Variants in SNX24 observed in about 807,000 individuals in gnomAD.
SNX24 encodes the protein sorting nexin-24.
SNX24 carries 22 observed loss-of-function variants against 28.7 expected under a neutral mutation model. The ratio of observed to expected loss-of-function variants is 0.77; its 90% CI spans 0.55 to 1.10. The LOEUF (loss-of-function observed/expected upper bound fraction) is 1.10. Ranked by LOEUF, SNX24 falls within the 50% of genes least tolerant of loss-of-function variation. The pLI is 0.00. For synonymous variants in SNX24, 69 were observed against 71.5 expected, an observed-to-expected ratio of 0.96 and a Z score of 0.18; for missense variants, 221 against 201.1, an observed-to-expected ratio of 1.10 and a Z score of -0.60.
chr5:122,920,095 A>C (rs769045430), intron 1 of SNX24, among the ~76,000 whole-genome samples: 1 of 152,238 alleles, frequency 6.6e-6, no homozygotes, highest in Middle Eastern at 3.2e-3. Context: ...TGTCATGTAC[A>C]GGCTTGATTG....
At chr5:122,866,110 A>G (rs1755708223) in intron 1 of SNX24, among the ~76,000 whole-genome samples, 1 of 152,220 alleles carries the variant, frequency 6.6e-6, no homozygotes, top group South Asian at 2.1e-4. Flanking sequence ...ATTCAATCTT[A>G]ATTTCTGTCA....
At position 122,880,740 on chromosome 5, in the gene SNX24, A is replaced by T. The variant is rs1756443684; in HGVS notation, c.60+35047A>T. Among the ~76,000 whole-genome samples the T allele has an allele frequency of 2.0e-5, 3 of 152,238 alleles. No homozygotes were observed. The South Asian group carries it at 6.2e-4, about 31-fold the overall frequency. Reference sequence around the variant, plus strand: ...GATAAAGGGGGCAAAATAATAGAGTACAATAGAAGGAGTAGGGTGTAATTA... The same window carrying T: ...GATAAAGGGGGCAAAATAATAGAGTTCAATAGAAGGAGTAGGGTGTAATTA... On this transcript the variant is annotated intron_variant, in intron 1 of 6. Coordinates refer to ENST00000261369, the MANE Select transcript of SNX24 (RefSeq NM_014035.4).
At chr5:122,891,662 A>T (rs1034668495) in intron 1 of SNX24, among the ~76,000 whole-genome samples, 2 of 152,212 alleles carry the variant, frequency 1.3e-5, no homozygotes, top group African/African-American at 4.8e-5. Flanking sequence ...CTGGAGAAGT[A>T]TTACTGGATC....
In SNX24 at chr5:122,851,407, T is replaced by G. The variant is rs1320171997; in HGVS notation, c.60+5714T>G. Among the ~76,000 whole-genome samples, 7 of 152,286 alleles carry G rather than the reference T, an allele frequency of 4.6e-5. No individual in the cohort carries two copies. In the East Asian group the frequency reaches 1.3e-3, roughly 29 times the overall value. On this transcript the variant is annotated intron_variant, in intron 1 of 6. Transcript: ENST00000261369. ...TCTTTGAACTCCTGACCTCAAGTGATCCACATGCCTCAGCCTCCCAAAGTG... is the reference window on the plus strand; with the variant it reads ...TCTTTGAACTCCTGACCTCAAGTGAGCCACATGCCTCAGCCTCCCAAAGTG...
intron 1 of SNX24, among the ~76,000 whole-genome samples, chr5:122,847,502 C>CTTTTTTT (rs1183386656): frequency 0.018 from 2,298 of 130,736 alleles, 144 homozygotes; most frequent in African/African-American, 0.062. Context: ...CTCTCTCTCT[C>CTTTTTTT]TTTTTTTTTT....
intron 5 of SNX24, chr5:123,026,001 G>A: frequency 1.9e-6 from 3 of 1,551,532 alleles, no homozygotes; most frequent in Middle Eastern, 1.7e-4. Flanking sequence ...GTCAACAGAT[G>A]TCTTCCAAAA....
At chr5:122,999,773 GACC>G in intron 3 of SNX24, 136 bp from the exon 4 acceptor site, 1 of 673,986 alleles carries the variant, frequency 1.5e-6, no homozygotes, top group Non-Finnish European at 2.7e-6. Context: ...GCAAAACAGA[GACC>G]ACTCCTCATC....
chr5:122,986,740 A>ATTT lies in SNX24; in HGVS notation c.250-13164_250-13162dup, dbSNP rs3032152. The stretch of plus-strand genomic sequence containing the variant: ...AGAAATGGGCTATAGCCTCTAAGGG[A>ATTT]TTTTTTTTTTCCTGTTGTTTTATAG... On this transcript the variant is annotated intron_variant, in intron 3 of 6. Transcript: ENST00000261369. Among the ~76,000 whole-genome samples the ATTT allele has an allele frequency of 6.8e-3, 1,012 of 149,560 alleles. 12 individuals are homozygous for ATTT. Among genetic ancestry groups the ATTT allele is most frequent in the Non-Finnish European group, 7.6e-3 (511 of 67,636 alleles).
At chr5:122,929,102 T>C (rs187238499) in intron 1 of SNX24, among the ~76,000 whole-genome samples, 45 of 152,244 alleles carry the variant, frequency 3.0e-4, no homozygotes, top group Middle Eastern at 3.4e-3. Flanking sequence ...AACCTGGCAC[T>C]TGGTAGACCA....
At chr5:122,947,283 A>G (rs1759727734) in intron 3 of SNX24, among the ~76,000 whole-genome samples, 1 of 152,046 alleles carries the variant, frequency 6.6e-6, no homozygotes, top group Non-Finnish European at 1.5e-5. Context: ...TTTCTTCTAC[A>G]GAGCTCTATG....
chr5:122,903,264 C>A (rs1021487596), intron 1 of SNX24, among the ~76,000 whole-genome samples: 1 of 152,080 alleles, frequency 6.6e-6, no homozygotes, highest in African/African-American at 2.4e-5. Flanking sequence ...TGTGCCACTA[C>A]ATCTGGCTAA....
chr5:123,026,752 C>T (rs1044590054), intron 5 of SNX24, among the ~76,000 whole-genome samples: 11 of 152,162 alleles, frequency 7.2e-5, no homozygotes, highest in African/African-American at 1.7e-4. Flanking sequence ...TCTAGCAAAG[C>T]GGCAGGCAGA....
At position 122,852,569 on chromosome 5, in the gene SNX24, C is replaced by A. The variant is rs1487446118; in HGVS notation, c.60+6876C>A. Reference sequence around the variant, plus strand: ...TGTTGCCCAGGCTGGTCTCGAACTTCTGCGTTCAAGTGATCCACCCACCTC... The same window carrying A: ...TGTTGCCCAGGCTGGTCTCGAACTTATGCGTTCAAGTGATCCACCCACCTC... On this transcript the variant is annotated intron_variant, in intron 1 of 6. Transcript: ENST00000261369. 3.9e-5 allele frequency among the ~76,000 whole-genome samples: 6 copies of A among 152,138 alleles called. 1 individual carries two copies. The East Asian group carries it at 7.7e-4, about 20-fold the overall frequency.
At chr5:122,983,987 C>G (rs1287090935) in intron 3 of SNX24, among the ~76,000 whole-genome samples, 1 of 152,128 alleles carries the variant, frequency 6.6e-6, no homozygotes, top group East Asian at 1.9e-4. Flanking sequence ...ATATTTGTTG[C>G]TTTACTGTAA....
chr5:123,007,468 A>G (rs557486169), intron 6 of SNX24, among the ~76,000 whole-genome samples: 1 of 152,304 alleles, frequency 6.6e-6, no homozygotes, highest in Admixed American at 6.5e-5. Context: ...CTGGCCGCAC[A>G]TTCCTGCCGC....
chr5:122,953,110 CT>C (rs35653842), intron 3 of SNX24, among the ~76,000 whole-genome samples: 53 of 141,462 alleles, frequency 3.7e-4, no homozygotes, highest in South Asian at 4.5e-4. Context: ...CCTTTCCTTT[CT>C]TTTTTTTTTT....
At position 122,966,480 on chromosome 5, in the gene SNX24, C is replaced by A. The variant is rs139410208; in HGVS notation, c.249+20321C>A. Among the ~76,000 whole-genome samples, 70 of 152,134 alleles carry A rather than the reference C, an allele frequency of 4.6e-4. No individual in the cohort carries two copies. The East Asian group carries it at 0.013, about 29-fold the overall frequency. On this transcript the variant is annotated intron_variant, in intron 3 of 6. Transcript: ENST00000261369. Reference sequence around the variant, plus strand: ...AGTGCAAAAGCTACCATAGATGATACATAAAGAAAAGAGATGGACTGTGTT... The same window carrying A: ...AGTGCAAAAGCTACCATAGATGATAAATAAAGAAAAGAGATGGACTGTGTT...
chr5:122,899,777 A>G (rs1044033432), intron 1 of SNX24, among the ~76,000 whole-genome samples: 1 of 152,178 alleles, frequency 6.6e-6, no homozygotes, highest in Non-Finnish European at 1.5e-5. Context: ...TTATCTGACA[A>G]TGATGAAGGA....
chr5:123,024,125 G>T, intron 5 of SNX24: 2 of 1,128,730 alleles, frequency 1.8e-6, no homozygotes, highest in South Asian at 1.8e-5. Context: ...TTGGTTGGTT[G>T]GTTTTTTATG....
Sources: gnomAD v4.1 joint callset for allele counts (sites outside exome capture counted in the v4.1 genomes callset) on GRCh38, gnomAD v4.1.1 for gene constraint, MANE v1.5 for transcripts, NCBI Gene and HGNC (gene_info 2026-07-23, HGNC 2026-07-21) for gene names.